Variants in LRRC39 observed in about 807,000 individuals in gnomAD.
LRRC39 encodes the protein leucine rich repeat containing 39, also known as leucine-rich repeat-containing protein 39.
A neutral mutation model predicts 39.7 loss-of-function variants in LRRC39; 35 were observed. That is an observed-to-expected ratio of 0.88 (90% confidence interval 0.67 to 1.17). The LOEUF is 1.17. LRRC39 is among the 50% of genes most tolerant of loss of function. The pLI is 0.00. For missense variants in LRRC39, 357 were observed against 385.8 expected, an observed-to-expected ratio of 0.93 and a Z score of 0.62; for synonymous variants, 113 against 134.1, an observed-to-expected ratio of 0.84 and a Z score of 1.09.
chr1:100,177,531 T>C (rs1424306036), intron 1 of LRRC39, among the ~76,000 whole-genome samples: 1 of 152,206 alleles, frequency 6.6e-6, no homozygotes, highest in East Asian at 1.9e-4. Flanking sequence ...TGAAGAAACC[T>C]TGGGATACAT....
intron 3 of LRRC39, among the ~76,000 whole-genome samples, chr1:100,163,985 A>G (rs956020417): frequency 2.0e-5 from 3 of 152,126 alleles, no homozygotes; most frequent in African/African-American, 7.2e-5. Flanking sequence ...AGGCAGGAGA[A>G]TCACTTGAAC....
In LRRC39 at chr1:100,160,515, G is replaced by C; in HGVS notation, c.170C>G (p.Thr57Ser). 6.2e-7 allele frequency: 1 copy of C among 1,612,964 alleles called. No individual in the cohort carries two copies. Among genetic ancestry groups the C allele is most frequent in the Non-Finnish European group, 8.5e-7 (1 of 1,179,454 alleles). The part of the protein sequence containing the change: ...VSLTKLREKV[T>S]REDGRVILKI... ...CAAAATGACTCTTCCATCTTCCCTG[G>C]TGACCTTTTCTCTTAGCTTGGTTAA... The change falls in exon 4 of 10, where the codon ACC becomes AGC. Residue 57 changes from threonine to serine, a missense_variant. Transcript: ENST00000370137.
chr1:100,153,341 G>A (rs72973712), intron 8 of LRRC39, among the ~76,000 whole-genome samples: 73 of 152,268 alleles, frequency 4.8e-4, no homozygotes, highest in African/African-American at 1.7e-3. Context: ...ATCTGAAACA[G>A]TAAAAATCCT....
At chr1:100,167,244 G>A (rs1659312060) in intron 3 of LRRC39, among the ~76,000 whole-genome samples, 2 of 152,106 alleles carry the variant, frequency 1.3e-5, no homozygotes, top group East Asian at 3.9e-4. Context: ...TGTGATGCCT[G>A]GAAGTGCATC....
In LRRC39 at chr1:100,152,448, C is replaced by T; in HGVS notation, c.889G>A (p.Glu297Lys). The part of the protein sequence containing the change: ...PPSEGTDEEE[E>K]RELFGLQFMH... The stretch of plus-strand genomic sequence containing the variant: ...AACTGAAGGCCAAATAATTCCCGTT[C>T]CTCTTCTTCATCTGTGCCTTCACTG... Residue 297 changes from glutamate to lysine, a missense_variant, in exon 9 of 10, where the codon GAA becomes AAA. Coordinates refer to ENST00000370137, the MANE Select transcript of LRRC39 (RefSeq NM_144620.4). 9.9e-6 allele frequency: 16 copies of T among 1,612,994 alleles called. No homozygotes were observed. Among genetic ancestry groups the T allele is most frequent in the Non-Finnish European group, 1.3e-5 (15 of 1,179,986 alleles).
intron 3 of LRRC39, among the ~76,000 whole-genome samples, chr1:100,162,418 G>A (rs981751625): frequency 3.3e-5 from 5 of 151,910 alleles, no homozygotes; most frequent in African/African-American, 1.2e-4. Context: ...CTTTTGGAAT[G>A]CTGAGGCAGG....
In LRRC39 at chr1:100,155,053, C is replaced by G. The variant is rs372226937; in HGVS notation, c.810G>C (p.Leu270=). The change falls in exon 8 of 10, where the codon CTG becomes CTC. Residue 270 remains leucine, a splice_region_variant and synonymous_variant. Coordinates refer to ENST00000370137, the MANE Select transcript of LRRC39 (RefSeq NM_144620.4). ...GTTTTGTGCCTACAACTTTTTACCT[C>G]AGATTTGCCATTTCTTCCATGCATA... is the stretch of plus-strand genomic sequence containing the variant. ...IPVCMEEMAN[L]RFVNFRDNPL... 6.7e-5 allele frequency: 105 copies of G among 1,565,518 alleles called. No individual in the cohort carries two copies. The highest frequency in any genetic ancestry group is 8.2e-5 in the Non-Finnish European group (95 of 1,161,342).
rs771345583 is a variant in LRRC39, at chr1:100,156,298, A to G, written c.533T>C (p.Leu178Pro). ...LPQELSNLLKLTHLDLSMNDF... is the reference protein window; with the variant it reads ...LPQELSNLLKPTHLDLSMNDF... ...GTTCATACTCAGATCAAGGTGAGTA[A>G]GTTTTAGCAGATTGCTGAGCTGAAG... Residue 178 changes from leucine (L) to proline (P), a missense_variant, in exon 7 of 10, where the codon CTT becomes CCT. Physicochemically the swap from Leu to Pro is moderately conservative, Grantham distance 98 (BLOSUM62 -3). Coordinates refer to ENST00000370137, the MANE Select transcript of LRRC39 (RefSeq NM_144620.4). 1.9e-6 allele frequency: 3 copies of G among 1,609,238 alleles called. No homozygotes were observed. Among genetic ancestry groups the G allele is most frequent in the South Asian group, 2.2e-5 (2 of 90,234 alleles).
intron 5 of LRRC39, 77 bp from the exon 6 acceptor site, chr1:100,158,444 C>CT (rs879209106): frequency 0.052 from 57,029 of 1,096,364 alleles, 1 homozygote; most frequent in South Asian, 0.063. Context: ...TACAGCATAA[C>CT]TTTTTTTTTT....
At chr1:100,152,987 A>G (rs974258910) in intron 8 of LRRC39, among the ~76,000 whole-genome samples, 2 of 152,208 alleles carry the variant, frequency 1.3e-5, no homozygotes, top group East Asian at 1.9e-4. Flanking sequence ...TCAGCCTCCT[A>G]AAGTACTGGG....
intron 3 of LRRC39, among the ~76,000 whole-genome samples, chr1:100,167,632 G>A (rs938183880): frequency 5.9e-5 from 9 of 151,946 alleles, no homozygotes; most frequent in African/African-American, 2.2e-4. Context: ...AAAATTAGCT[G>A]AGTGTGGTGG....
chr1:100,165,257 G>A (rs1005328372), intron 3 of LRRC39, among the ~76,000 whole-genome samples: 1 of 152,078 alleles, frequency 6.6e-6, no homozygotes, highest in African/African-American at 2.4e-5. Context: ...ATTACATTTT[G>A]CTAACAGAGA....
chr1:100,159,355 C>A lies in LRRC39; in HGVS notation c.280G>T (p.Gly94Cys). 1 of 1,611,586 alleles carries A rather than the reference C, an allele frequency of 6.2e-7. No homozygotes were observed. Among genetic ancestry groups the A allele is most frequent in the Non-Finnish European group, 8.5e-7 (1 of 1,178,768 alleles). Residue 94 changes from glycine (G) to cysteine (C), a missense_variant, in exon 5 of 10, where the codon GGT becomes TGT. Physicochemically the swap from Gly to Cys is radical, Grantham distance 159. Coordinates refer to ENST00000370137, the MANE Select transcript of LRRC39 (RefSeq NM_144620.4). Reference protein sequence around the residue: ...QLQEWQLHRTGLLKIPEFIGR... With the variant: ...QLQEWQLHRTCLLKIPEFIGR... ...ATGAATTCAGGAATTTTCAGCAAAC[C>A]AGTTCTATGAAGTTGCCATTCCTGT...
At chr1:100,161,208 T>G (rs963189453) in intron 3 of LRRC39, among the ~76,000 whole-genome samples, 2 of 151,852 alleles carry the variant, frequency 1.3e-5, no homozygotes, top group Non-Finnish European at 2.9e-5. Context: ...TACCAAAGCA[T>G]TTTATCACTC....
At chr1:100,173,296 G>A (rs1462927546) in intron 2 of LRRC39, 35 bp downstream of exon 2, 1 of 151,672 alleles carries the variant, frequency 6.6e-6, no homozygotes, top group Non-Finnish European at 1.5e-5. Context: ...CAGCCATATT[G>A]GGTTTATTCC....
At position 100,160,529 on chromosome 1, in the gene LRRC39, T is replaced by A. The variant is rs978724600; in HGVS notation, c.156A>T (p.Leu52=). 3.7e-6 allele frequency: 6 copies of A among 1,613,952 alleles called. No individual in the cohort carries two copies. The African/African-American group carries it at 8.0e-5, about 22-fold the overall frequency. The stretch of plus-strand genomic sequence containing the variant: ...CATCTTCCCTGGTGACCTTTTCTCT[T>A]AGCTTGGTTAAGCTTACTCGTTCTT... ...IWEERVSLTK[L]REKVTREDGR... Residue 52 remains leucine (L), a synonymous_variant, in exon 4 of 10, where the codon CTA becomes CTT. Coordinates refer to ENST00000370137, the MANE Select transcript of LRRC39 (RefSeq NM_144620.4).
intron 8 of LRRC39, 106 bp from the exon 9 acceptor site, chr1:100,152,630 C>G: frequency 8.2e-7 from 1 of 1,224,902 alleles, no homozygotes. Context: ...TCGTTTTTAA[C>G]TGGTTTCAAT....
chr1:100,171,331 T>A (rs1368174128), intron 2 of LRRC39, among the ~76,000 whole-genome samples: 3 of 151,758 alleles, frequency 2.0e-5, no homozygotes, highest in Admixed American at 1.3e-4. Flanking sequence ...AGAAAAAAAA[T>A]CTCATATTGG....
intron 1 of LRRC39, among the ~76,000 whole-genome samples, chr1:100,177,858 T>C (rs1660061938): frequency 6.6e-6 from 1 of 152,106 alleles, no homozygotes; most frequent in South Asian, 2.1e-4. Flanking sequence ...ATTAGTACCA[T>C]AATAGAAAAA....
Sources: gnomAD v4.1 joint callset for allele counts (sites outside exome capture counted in the v4.1 genomes callset) on GRCh38, gnomAD v4.1.1 for gene constraint, MANE v1.5 for transcripts, NCBI Gene and HGNC (gene_info 2026-07-23, HGNC 2026-07-21) for gene names.